UTP20: variants seen among roughly 807,000 people sequenced by gnomAD.
UTP20 encodes the protein small subunit processome component 20 homolog.
UTP20 carries 164 observed loss-of-function variants against 329.5 expected under a neutral mutation model. That is an observed-to-expected ratio of 0.50 (90% CI 0.44 to 0.57). The LOEUF (loss-of-function observed/expected upper bound fraction) is 0.57, where lower values mean the gene tolerates loss of function less well. UTP20 is among the 20% of genes least tolerant of loss of function. UTP20 has a pLI of 0.00. For missense variants in UTP20, 3,055 were observed against 3,284.2 expected (o/e 0.93, Z 1.71); for synonymous variants, 1,151 against 1,159.3 (o/e 0.99, Z 0.14).
Position 101,373,448 on chromosome 12 carries a change from A to G in UTP20, c.6926A>G (p.Tyr2309Cys), listed in dbSNP as rs139095183. Residue 2309 changes from tyrosine to cysteine, a missense_variant, in exon 53 of 62, where the codon TAT becomes TGT. Tyr to Cys is a radical substitution (Grantham distance 194). Coordinates refer to ENST00000261637, the MANE Select transcript of UTP20 (RefSeq NM_014503.3). ...GRESTLEMIA[Y>C]LFDTFPQGLL... Reference sequence around the variant, plus strand: ...GAGTCCACCTTGGAAATGATCGCCTATCTCTTTGACACGTTCCCTCAGGTA... The same window carrying G: ...GAGTCCACCTTGGAAATGATCGCCTGTCTCTTTGACACGTTCCCTCAGGTA... The G allele has an allele frequency of 3.0e-5, 48 of 1,614,194 alleles. No individual in the cohort carries two copies. Among genetic ancestry groups the G allele is most frequent in the Admixed American group, 1.7e-4 (10 of 60,028 alleles).
chr12:101,288,726 G>A (rs1872038351), intron 5 of UTP20, among the ~76,000 whole-genome samples: 1 of 152,020 alleles, frequency 6.6e-6, no homozygotes, highest in African/African-American at 2.4e-5. Context: ...AACTTTTCCT[G>A]GAGTCTTGTT....
Position 101,376,110 on chromosome 12 carries a change from C to G in UTP20, c.7396+354C>G, listed in dbSNP as rs149645907. Among the ~76,000 whole-genome samples the G allele has an allele frequency of 6.0e-3, 908 of 152,034 alleles. 4 individuals carry two copies. Among genetic ancestry groups the G allele is most frequent in the Middle Eastern group, 0.051 (15 of 294 alleles). On this transcript the variant is annotated intron_variant, in intron 56 of 61. Transcript: ENST00000261637. ...ACAATGTATTGTTTTGATGTATGTA[C>G]TTGTGGTCTATATTTCCATCCAGTC...
chr12:101,342,464 C>G lies in UTP20; in HGVS notation c.4120C>G (p.Leu1374Val), dbSNP rs1180389641. Residue 1374 changes from leucine (L) to valine (V), a missense_variant, in exon 33 of 62, where the codon CTG (leucine) becomes GTG (valine). Coordinates refer to ENST00000261637, the MANE Select transcript of UTP20 (RefSeq NM_014503.3). Reference sequence around the variant, plus strand: ...TCTCAAGGATACAGAGGTTGATATTCTGGTGACAGTACAAAACTTGTTAAA... The same window carrying G: ...TCTCAAGGATACAGAGGTTGATATTGTGGTGACAGTACAAAACTTGTTAAA... Reference protein sequence around the residue: ...NIAEDTEVDILVTVQNLLKHC... With the variant: ...NIAEDTEVDIVVTVQNLLKHC... 2.5e-6 allele frequency: 4 copies of G among 1,609,290 alleles called. No individual in the cohort carries two copies. In the South Asian group the frequency reaches 3.3e-5, roughly 13 times the overall value.
intron 60 of UTP20, 36 bp downstream of exon 60, chr12:101,383,705 CAT>C (rs775494986): frequency 1.4e-6 from 2 of 1,462,108 alleles, no homozygotes; most frequent in African/African-American, 1.4e-5. Flanking sequence ...GCCTTTTGCA[CAT>C]GAGGATTTCT....
chr12:101,296,440 G>A (rs1160470941), intron 12 of UTP20, among the ~76,000 whole-genome samples: 11 of 152,088 alleles, frequency 7.2e-5, no homozygotes, highest in Non-Finnish European at 1.0e-4. Context: ...GCGTGGTGGC[G>A]GACGCCTGTA....
intron 10 of UTP20, 127 bp from the exon 11 acceptor site, chr12:101,293,040 GA>G: frequency 1.2e-6 from 1 of 863,980 alleles, no homozygotes. Context: ...CACCTTTGGA[GA>G]AGGCCGGGCA....
chr12:101,363,878 T>A, intron 45 of UTP20, 135 bp downstream of exon 45: 1 of 599,564 alleles, frequency 1.7e-6, no homozygotes, highest in Non-Finnish European at 2.9e-6. Flanking sequence ...CCCAGGACCA[T>A]ATGGCCAGTG....
intron 45 of UTP20, among the ~76,000 whole-genome samples, chr12:101,364,582 C>T (rs894046583): frequency 6.6e-6 from 1 of 152,154 alleles, no homozygotes; most frequent in Non-Finnish European, 1.5e-5. Context: ...TCCTGAAGAT[C>T]AGGGAATGTA....
chr12:101,306,156 G>A (rs1221705162), intron 16 of UTP20, 91 bp downstream of exon 16: 4 of 1,408,600 alleles, frequency 2.8e-6, no homozygotes, highest in Middle Eastern at 1.9e-4. Flanking sequence ...TAGTTAGAAA[G>A]TGTTGCTGTG....
intron 48 of UTP20, among the ~76,000 whole-genome samples, chr12:101,368,829 A>T (rs1258771197): frequency 1.3e-5 from 2 of 152,220 alleles, no homozygotes; most frequent in East Asian, 3.8e-4. Flanking sequence ...TCTAGAGTCA[A>T]ACAGGTAATC....
intron 35 of UTP20, 101 bp downstream of exon 35, chr12:101,343,194 G>T (rs1413836288): frequency 1.3e-6 from 1 of 747,462 alleles, no homozygotes; most frequent in Non-Finnish European, 2.0e-6. Flanking sequence ...TTTGAGGGGG[G>T]ACAAAGGTTT....
intron 38 of UTP20, among the ~76,000 whole-genome samples, chr12:101,349,475 A>C (rs1869445882): frequency 6.7e-6 from 1 of 149,006 alleles, no homozygotes; most frequent in African/African-American, 2.5e-5. Context: ...TGAGAATGTC[A>C]CTCTGTCACC....
At position 101,285,857 on chromosome 12, in the gene UTP20, G is replaced by C; in HGVS notation, c.302G>C (p.Ser101Thr). ...SLKTHLQVKN[S>T]FAYQPLLDLV... ...AAGACTCACCTGCAAGTTAAGAACA[G>C]TTTTGCCTATCAACCCCTTTTGGAG... Residue 101 changes from serine to threonine, a missense_variant, in exon 4 of 62, where the codon AGT becomes ACT. Physicochemically the swap from Ser to Thr is moderately conservative, Grantham distance 58 (BLOSUM62 1). Coordinates refer to ENST00000261637, the MANE Select transcript of UTP20 (RefSeq NM_014503.3). 6.2e-7 allele frequency: 1 copy of C among 1,613,810 alleles called. No homozygotes were observed. The highest frequency in any genetic ancestry group is 8.5e-7 in the Non-Finnish European group (1 of 1,179,850).
At chr12:101,313,801 A>C (rs1467768790) in intron 21 of UTP20, among the ~76,000 whole-genome samples, 1 of 152,068 alleles carries the variant, frequency 6.6e-6, no homozygotes, top group Non-Finnish European at 1.5e-5. Context: ...CTTTGGCCTG[A>C]GCAACTAGAA....
At chr12:101,322,418 A>C (rs2137261320) in intron 25 of UTP20, among the ~76,000 whole-genome samples, 1 of 152,362 alleles carries the variant, frequency 6.6e-6, no homozygotes, top group African/African-American at 2.4e-5. Flanking sequence ...ATCATGTGAT[A>C]TTTAATGATG....
At position 101,328,178 on chromosome 12, in the gene UTP20, G is replaced by A. The variant is rs531420986; in HGVS notation, c.3208+931G>A. Among the ~76,000 whole-genome samples the A allele has an allele frequency of 6.6e-5, 10 of 152,282 alleles. No individual in the cohort carries two copies. In the South Asian group the frequency reaches 2.1e-3, roughly 32 times the overall value. On this transcript the variant is annotated intron_variant, in intron 26 of 61. Transcript: ENST00000261637. ...CAGCTGTTAACAGGTTTTTCATTCA[G>A]TATAATATTGCCCTGTAAAGGAGGT...
intron 27 of UTP20, 72 bp from the exon 28 acceptor site, chr12:101,333,229 G>T: frequency 6.9e-7 from 1 of 1,458,374 alleles, no homozygotes; most frequent in Non-Finnish European, 9.3e-7. Context: ...CTGAGCAAGA[G>T]TGCCTCTCTG....
At chr12:101,382,858 A>G (rs947841450) in intron 58 of UTP20, among the ~76,000 whole-genome samples, 183 bp from the exon 59 acceptor site, 18 of 146,660 alleles carry the variant, frequency 1.2e-4, no homozygotes, top group Non-Finnish European at 2.6e-4. Context: ...TCTTTAAAAA[A>G]AAAAAAAAAA....
At chr12:101,330,813 A>G (rs1868736844) in intron 27 of UTP20, among the ~76,000 whole-genome samples, 1 of 152,232 alleles carries the variant, frequency 6.6e-6, no homozygotes, top group Non-Finnish European at 1.5e-5. Flanking sequence ...TAATTTATAC[A>G]GTTTCACAGT....
Sources: gnomAD v4.1 joint callset for allele counts (sites outside exome capture counted in the v4.1 genomes callset) on GRCh38, gnomAD v4.1.1 for gene constraint, MANE v1.5 for transcripts, NCBI Gene and HGNC (gene_info 2026-07-23, HGNC 2026-07-21) for gene names.